The following OSBPL10 variants were observed in gnomAD, a reference collection of about 807,000 sequenced individuals.
OSBPL10 encodes oxysterol-binding protein-related protein 10.
A neutral mutation model predicts 81.7 loss-of-function variants in OSBPL10; 49 were observed. The ratio of observed to expected loss-of-function variants is 0.60; its 90% CI spans 0.48 to 0.76. The LOEUF (loss-of-function observed/expected upper bound fraction) is 0.76. Ranked by LOEUF, OSBPL10 falls within the 30% of genes least tolerant of loss-of-function variation. OSBPL10 has a pLI of 0.00. For synonymous variants in OSBPL10, 419 were observed against 383.6 expected (o/e 1.09, Z -1.08); for missense variants, 923 against 987.8 (o/e 0.93, Z 0.88).
rs748324304 is a variant in OSBPL10 at position 31,683,865 on chromosome 3, T to G, written c.1495A>C (p.Lys499Gln). 3 of 1,614,232 alleles carry G rather than the reference T, an allele frequency of 1.9e-6. 1 individual carries two copies. In the South Asian group the frequency reaches 3.3e-5, roughly 18 times the overall value. ...CSWEVPKDRV[K>Q]PKRTASRSPA... ...GAGCGGGAAGCAGTCCTCTTAGGCT[T>G]GACCCTGTCCTTGGGAACTTCCCAG... Residue 499 changes from lysine (K) to glutamine (Q), a missense_variant, in exon 8 of 12, where the codon AAG becomes CAG. By Grantham distance (53) the Lys-to-Gln change is moderately conservative. This residue lies in a region of OSBPL10 where 387 missense variants were observed against 436.3 expected (regional missense o/e 0.89). Coordinates refer to ENST00000396556, the MANE Select transcript of OSBPL10 (RefSeq NM_017784.5).
intron 2 of OSBPL10, among the ~76,000 whole-genome samples, chr3:31,996,813 C>CA (rs564338249): frequency 2.0e-5 from 3 of 151,850 alleles, no homozygotes; most frequent in Non-Finnish European, 2.9e-5. Context: ...AAATTTAAAA[C>CA]AAAAAAAACT....
At chr3:32,015,923 G>A (rs748884975) in intron 2 of OSBPL10, among the ~76,000 whole-genome samples, 11 of 152,228 alleles carry the variant, frequency 7.2e-5, no homozygotes, top group East Asian at 1.9e-4. Context: ...TTAGAATGGC[G>A]ATCATTAAAA....
At chr3:32,014,345 T>G (rs12633398) in intron 2 of OSBPL10, among the ~76,000 whole-genome samples, 1 of 151,946 alleles carries the variant, frequency 6.6e-6, no homozygotes, top group Non-Finnish European at 1.5e-5. Context: ...TGACAAAAAG[T>G]ACATGATTAT....
intron 4 of OSBPL10, among the ~76,000 whole-genome samples, chr3:31,794,170 G>GTCT (rs1699117868): frequency 6.6e-6 from 1 of 152,222 alleles, no homozygotes; most frequent in Non-Finnish European, 1.5e-5. Flanking sequence ...TTGAGACAGA[G>GTCT]TCTTGCTCTT....
At chr3:31,868,399 C>T (rs1375380749) in intron 3 of OSBPL10, among the ~76,000 whole-genome samples, 1 of 152,066 alleles carries the variant, frequency 6.6e-6, no homozygotes, top group Non-Finnish European at 1.5e-5. Flanking sequence ...AAAAGGCAAT[C>T]CCCGAGCTCC....
chr3:31,901,445 C>T (rs539877042), intron 1 of OSBPL10, among the ~76,000 whole-genome samples: 3 of 152,192 alleles, frequency 2.0e-5, no homozygotes, highest in Non-Finnish European at 4.4e-5. Flanking sequence ...CTCACCTATC[C>T]TGATCCCACT....
chr3:31,985,749 G>A (rs141474390), upstream of OSBPL10, among the ~76,000 whole-genome samples: 1 of 152,346 alleles, frequency 6.6e-6, no homozygotes, highest in South Asian at 2.1e-4. Context: ...GTGGTCTGAT[G>A]TGTTGTACGT....
At chr3:31,788,091 GT>G in intron 4 of OSBPL10, among the ~76,000 whole-genome samples, 1 of 151,920 alleles carries the variant, frequency 6.6e-6, no homozygotes, top group Middle Eastern at 3.4e-3. Flanking sequence ...TTAGGTTATT[GT>G]TTTTTTTCTC....
rs143782584 is a variant in OSBPL10, at chr3:31,807,957, T to C, written c.729+22083A>G. Among the ~76,000 whole-genome samples the C allele has an allele frequency of 5.4e-3, 826 of 152,294 alleles. 7 individuals carry two copies. Among genetic ancestry groups the C allele is most frequent in the African/African-American group, 0.018 (764 of 41,574 alleles). On this transcript the variant is annotated intron_variant, in intron 4 of 11. Coordinates refer to ENST00000396556, the MANE Select transcript of OSBPL10 (RefSeq NM_017784.5). Reference sequence around the variant, plus strand: ...TGTTGGGCCATGATATAATGACTTATTAATAACTTCAACTTATGTATAAAG... The same window carrying C: ...TGTTGGGCCATGATATAATGACTTACTAATAACTTCAACTTATGTATAAAG...
intron 2 of OSBPL10, among the ~76,000 whole-genome samples, chr3:32,028,875 G>A (rs903507288): frequency 6.8e-6 from 1 of 146,592 alleles, no homozygotes; most frequent in Non-Finnish European, 1.5e-5. Context: ...TAATCTCTAA[G>A]ATTATTTCAA....
intron 1 of OSBPL10, among the ~76,000 whole-genome samples, chr3:31,964,789 T>C (rs1698267120): frequency 6.6e-6 from 1 of 152,170 alleles, no homozygotes; most frequent in Non-Finnish European, 1.5e-5. Flanking sequence ...TGACTTCATG[T>C]AGCAATACTC....
chr3:31,834,217 GC>G (rs543842585), intron 3 of OSBPL10, among the ~76,000 whole-genome samples: 135 of 152,228 alleles, frequency 8.9e-4, no homozygotes, highest in African/African-American at 2.9e-3. Flanking sequence ...GCCTATCTTC[GC>G]TATTAATTTA....
intron 2 of OSBPL10, chr3:32,030,531 T>A: frequency 1.3e-6 from 1 of 746,918 alleles, no homozygotes; most frequent in Non-Finnish European, 2.5e-6. Context: ...TGAAGGAAAA[T>A]GATCAGAAAA....
At chr3:31,965,652 AT>A (rs1375043390) in intron 1 of OSBPL10, among the ~76,000 whole-genome samples, 11 of 60,682 alleles carry the variant, frequency 1.8e-4, no homozygotes, top group African/African-American at 6.8e-4. Flanking sequence ...TAAATTATAT[AT>A]TATATATTAT....
intron 8 of OSBPL10, among the ~76,000 whole-genome samples, chr3:31,679,381 C>T (rs980098709): frequency 6.6e-6 from 1 of 152,102 alleles, no homozygotes; most frequent in Admixed American, 6.5e-5. Context: ...CATGAGCTCC[C>T]GGGGGCAGGG....
At chr3:31,812,374 G>A (rs975595858) in intron 4 of OSBPL10, among the ~76,000 whole-genome samples, 7 of 152,158 alleles carry the variant, frequency 4.6e-5, no homozygotes, top group Non-Finnish European at 8.8e-5. Flanking sequence ...CCTGGTTAAC[G>A]TCCCCTAGGC....
chr3:31,752,568 TC>T (rs1697753439), intron 4 of OSBPL10, among the ~76,000 whole-genome samples: 1 of 151,906 alleles, frequency 6.6e-6, no homozygotes, highest in Non-Finnish European at 1.5e-5. Flanking sequence ...CGTTACAAAA[TC>T]AAATCATAGG....
At chr3:31,907,619 CAAAAAAAAAAAAA>C (rs142840420) in intron 1 of OSBPL10, among the ~76,000 whole-genome samples, 15 of 63,872 alleles carry the variant, frequency 2.3e-4, no homozygotes, top group South Asian at 7.1e-4. Context: ...ACCTCCATCT[CAAAAAAAAAAAAA>C]AAAAAAAAAA....
At chr3:31,903,348 G>A (rs1218944627) in intron 1 of OSBPL10, among the ~76,000 whole-genome samples, 1 of 69,634 alleles carries the variant, frequency 1.4e-5, no homozygotes, top group Non-Finnish European at 3.4e-5. Flanking sequence ...TTTTTTTTTA[G>A]ACAAGGTCTC....
Sources: gnomAD v4.1 joint callset for allele counts (sites outside exome capture counted in the v4.1 genomes callset) on GRCh38, gnomAD v4.1.1 for gene constraint, gnomAD v4.1.1 regional missense constraint, MANE v1.5 for transcripts, NCBI Gene and HGNC (gene_info 2026-07-23, HGNC 2026-07-21) for gene names.